ANXA8: variants seen among roughly 807,000 people sequenced by gnomAD.
The protein encoded by ANXA8 is VAC-beta.
Under a neutral mutation model 26.8 loss-of-function variants are expected in ANXA8, and 9 were observed. The observed-to-expected ratio is 0.34, with a 90% CI of 0.20 to 0.59. ANXA8 has a LOEUF of 0.59. Among genes scored for constraint, ANXA8 ranks in the 20% least tolerant of loss-of-function variants. The pLI is 0.84. For missense variants in ANXA8, 83 were observed against 238.5 expected, an observed-to-expected ratio of 0.35 and a Z score of 4.29; for synonymous variants, 39 against 94.8, an observed-to-expected ratio of 0.41 and a Z score of 3.42.
chr10:47,503,911 G>T, the ANXA8 span, among the ~76,000 whole-genome samples: 2 of 62,938 alleles, frequency 3.2e-5, no homozygotes, highest in East Asian at 2.2e-3. Flanking sequence ...TTGCACTCCA[G>T]CCTGGGCTAC....
the ANXA8 span, among the ~76,000 whole-genome samples, chr10:47,943,772 G>T: frequency 6.7e-6 from 1 of 149,662 alleles, no homozygotes; most frequent in Non-Finnish European, 1.5e-5. Context: ...TGGCTGTGGG[G>T]TGCAGCTTGG....
the ANXA8 span, among the ~76,000 whole-genome samples, chr10:47,556,041 G>A: frequency 6.6e-6 from 1 of 151,888 alleles, no homozygotes; most frequent in Non-Finnish European, 1.5e-5. Flanking sequence ...AAGAGGCAAA[G>A]ATAACTACAA....
At chr10:47,517,252 T>C in the ANXA8 span, among the ~76,000 whole-genome samples, 1 of 113,340 alleles carries the variant, frequency 8.8e-6, no homozygotes, top group Non-Finnish European at 1.7e-5. Flanking sequence ...AAAAATAAGA[T>C]TAAATATTTA....
the ANXA8 span, chr10:47,565,689 C>A: frequency 3.2e-4 from 141 of 434,346 alleles, no homozygotes; most frequent in South Asian, 0.015. Flanking sequence ...CTGGACGCCA[C>A]CGCTCGACTC....
the ANXA8 span, chr10:47,582,195 C>T: frequency 3.8e-5 from 6 of 156,044 alleles, 1 homozygote; most frequent in African/African-American, 1.3e-4. Flanking sequence ...ATGCCACCAA[C>T]CATGTCATAT....
chr10:47,622,227 C>G, the ANXA8 span, among the ~76,000 whole-genome samples: 3 of 112,178 alleles, frequency 2.7e-5, 1 homozygote, highest in Admixed American at 9.4e-5. Context: ...TAGTACTACC[C>G]GCTTTGTCCT....
the ANXA8 span, chr10:47,986,565 G>A: frequency 5.6e-6 from 2 of 354,694 alleles, no homozygotes; most frequent in Non-Finnish European, 1.1e-5. Flanking sequence ...CCAGGGCGGT[G>A]CAGCAGTGAC....
At chr10:47,506,419 C>A in the ANXA8 span, among the ~76,000 whole-genome samples, 1 of 138,892 alleles carries the variant, frequency 7.2e-6, no homozygotes, top group Non-Finnish European at 1.5e-5. Flanking sequence ...CAACCTCCAC[C>A]TCCCAGGCTC....
chr10:47,742,993 A>C, the ANXA8 span, among the ~76,000 whole-genome samples: 62 of 137,420 alleles, frequency 4.5e-4, no homozygotes, highest in African/African-American at 1.5e-3. Context: ...TCTCTACTAA[A>C]AAAAAAAAAA....
chr10:47,498,004 C>G, the ANXA8 span, among the ~76,000 whole-genome samples: 1 of 151,682 alleles, frequency 6.6e-6, no homozygotes, highest in Non-Finnish European at 1.5e-5. Flanking sequence ...AATTTACTAC[C>G]TTAACCACTT....
chr10:47,600,540 G>C, the ANXA8 span, among the ~76,000 whole-genome samples: 3 of 148,618 alleles, frequency 2.0e-5, no homozygotes, highest in African/African-American at 7.8e-5. Flanking sequence ...CTATCACTAG[G>C]AGGAGGCACT....
At chr10:47,952,663 G>C in the ANXA8 span, among the ~76,000 whole-genome samples, 1 of 146,704 alleles carries the variant, frequency 6.8e-6, no homozygotes, top group Non-Finnish European at 1.5e-5. Flanking sequence ...CTACATGGAA[G>C]TACAAATAAT....
chr10:47,954,465 G>A, the ANXA8 span, among the ~76,000 whole-genome samples: 1 of 151,014 alleles, frequency 6.6e-6, no homozygotes, highest in Non-Finnish European at 1.5e-5. Context: ...TAAATACAAT[G>A]AATAAGATGC....
chr10:47,755,490 C>T, the ANXA8 span, among the ~76,000 whole-genome samples: 61 of 150,470 alleles, frequency 4.1e-4, no homozygotes, highest in African/African-American at 1.4e-3. Context: ...CTCCTGACCT[C>T]GTGATCTGCC....
At chr10:47,702,769 C>T in the ANXA8 span, among the ~76,000 whole-genome samples, 64 of 151,734 alleles carry the variant, frequency 4.2e-4, no homozygotes, top group Non-Finnish European at 6.9e-4. Flanking sequence ...AAGTAGCCGG[C>T]ACCATAGGTG....
At chr10:47,516,716 CAT>C in the ANXA8 span, among the ~76,000 whole-genome samples, 2 of 133,124 alleles carry the variant, frequency 1.5e-5, 1 homozygote, top group Non-Finnish European at 3.1e-5. Flanking sequence ...CCCACACACA[CAT>C]AAAAAGGAAC....
At chr10:47,716,532 C>T in the ANXA8 span, among the ~76,000 whole-genome samples, 1 of 123,760 alleles carries the variant, frequency 8.1e-6, no homozygotes, top group Admixed American at 8.1e-5. Context: ...TAAAACTATG[C>T]TAAGGAGAAT....
the ANXA8 span, among the ~76,000 whole-genome samples, chr10:47,703,408 A>C: frequency 6.6e-6 from 1 of 151,464 alleles, no homozygotes; most frequent in Non-Finnish European, 1.5e-5. Flanking sequence ...TCTCTACAAA[A>C]AATAGAAAAA....
At chr10:47,960,746 A>T in the ANXA8 span, among the ~76,000 whole-genome samples, 1 of 145,948 alleles carries the variant, frequency 6.9e-6, no homozygotes, top group Non-Finnish European at 1.5e-5. Context: ...TGTGTTGATC[A>T]TGCCCCCCCA....
Sources: allele counts gnomAD v4.1 joint callset (sites outside exome capture counted in the v4.1 genomes callset), GRCh38; gene constraint gnomAD v4.1.1; transcripts MANE v1.5; gene names NCBI Gene and HGNC (gene_info 2026-07-23, HGNC 2026-07-21).